XRCC4: variants seen among roughly 807,000 people sequenced by gnomAD.
XRCC4 encodes DNA repair protein XRCC4.
XRCC4 carries 28 observed loss-of-function variants against 39.1 expected under a neutral mutation model. The ratio of observed to expected loss-of-function variants is 0.72; its 90% CI spans 0.53 to 0.98. The LOEUF (loss-of-function observed/expected upper bound fraction) is 0.98. Among genes scored for constraint, XRCC4 ranks in the 50% least tolerant of loss-of-function variants. The pLI, the probability that XRCC4 is intolerant of heterozygous loss-of-function variation, is 0.00. For synonymous variants in XRCC4, 123 were observed against 126.4 expected (o/e 0.97, Z 0.18); for missense variants, 350 against 376.4 (o/e 0.93, Z 0.58).
At chr5:83,103,426 A>G (rs1201949333) in intron 1 of XRCC4, among the ~76,000 whole-genome samples, 1 of 151,348 alleles carries the variant, frequency 6.6e-6, no homozygotes, top group Non-Finnish European at 1.5e-5. Flanking sequence ...AACCATGGAA[A>G]ATGTTTGCAA....
intron 7 of XRCC4, among the ~76,000 whole-genome samples, chr5:83,345,920 A>G (rs1385956216): frequency 1.3e-5 from 2 of 152,096 alleles, no homozygotes; most frequent in Non-Finnish European, 2.9e-5. Flanking sequence ...TAATTAGATG[A>G]TGTAGTGCAA....
intron 3 of XRCC4, among the ~76,000 whole-genome samples, chr5:83,162,366 A>C (rs1749257025): frequency 6.6e-6 from 1 of 152,174 alleles, no homozygotes; most frequent in African/African-American, 2.4e-5. Context: ...ATTAAACTTC[A>C]GTGAGTTATT....
chr5:83,343,739 C>T (rs1459924038), intron 7 of XRCC4, among the ~76,000 whole-genome samples: 5 of 150,958 alleles, frequency 3.3e-5, no homozygotes. Flanking sequence ...TAAACCTTTT[C>T]TCTCTGATGG....
At chr5:83,093,975 G>A (rs565373195) in intron 1 of XRCC4, among the ~76,000 whole-genome samples, 37 of 152,006 alleles carry the variant, frequency 2.4e-4, no homozygotes, top group African/African-American at 8.4e-4. Context: ...GAAGTTTATT[G>A]TTATTTTTAT....
chr5:83,271,777 G>A (rs1393319832), intron 7 of XRCC4, among the ~76,000 whole-genome samples: 2 of 152,156 alleles, frequency 1.3e-5, no homozygotes, highest in Non-Finnish European at 2.9e-5. Flanking sequence ...ATAGTGCTGG[G>A]CATTCTAGTC....
intron 7 of XRCC4, among the ~76,000 whole-genome samples, chr5:83,326,942 C>T (rs1756282494): frequency 6.6e-6 from 1 of 152,020 alleles, no homozygotes; most frequent in South Asian, 2.1e-4. Flanking sequence ...TGCTTTTTTA[C>T]ACCTAATGGC....
At chr5:83,278,699 T>A (rs1242746062) in intron 7 of XRCC4, among the ~76,000 whole-genome samples, 2 of 151,970 alleles carry the variant, frequency 1.3e-5, no homozygotes, top group Non-Finnish European at 2.9e-5. Flanking sequence ...AAATAATCAG[T>A]TTGAGGCCAG....
At chr5:83,114,970 G>C (rs113312952) in intron 3 of XRCC4, among the ~76,000 whole-genome samples, 3 of 152,150 alleles carry the variant, frequency 2.0e-5, no homozygotes, top group Non-Finnish European at 4.4e-5. Flanking sequence ...ACAAAGTTAC[G>C]TCTTACATGG....
chr5:83,181,643 A>T (rs1430596977), intron 3 of XRCC4, among the ~76,000 whole-genome samples: 1 of 152,226 alleles, frequency 6.6e-6, no homozygotes, highest in African/African-American at 2.4e-5. Flanking sequence ...CAAAGATTTA[A>T]TATAGGGAAT....
chr5:83,213,563 T>C (rs1308156622), intron 6 of XRCC4, among the ~76,000 whole-genome samples: 1 of 152,150 alleles, frequency 6.6e-6, no homozygotes, highest in Non-Finnish European at 1.5e-5. Context: ...ATGTATTGAA[T>C]TAGTAATTTA....
At chr5:83,126,526 A>G (rs1237924270) in intron 3 of XRCC4, among the ~76,000 whole-genome samples, 5 of 152,202 alleles carry the variant, frequency 3.3e-5, no homozygotes, top group Non-Finnish European at 7.3e-5. Context: ...TTCAAGGCCC[A>G]GGCAGAGACT....
intron 6 of XRCC4, among the ~76,000 whole-genome samples, chr5:83,216,771 A>G (rs1751875046): frequency 6.6e-6 from 1 of 152,176 alleles, no homozygotes; most frequent in Non-Finnish European, 1.5e-5. Context: ...GGGAATATAT[A>G]TAGGTACTGA....
At chr5:83,214,560 C>T (rs946470656) in intron 6 of XRCC4, among the ~76,000 whole-genome samples, 13 of 152,082 alleles carry the variant, frequency 8.5e-5, no homozygotes, top group African/African-American at 2.7e-4. Flanking sequence ...TGGCCAGGCA[C>T]GGTGGCTCAC....
intron 6 of XRCC4, among the ~76,000 whole-genome samples, chr5:83,222,805 T>G (rs1474941933): frequency 1.3e-5 from 2 of 152,070 alleles, no homozygotes; most frequent in Non-Finnish European, 2.9e-5. Flanking sequence ...TTGAGTGGAG[T>G]GGTGCGATCA....
chr5:83,364,076 C>A, the XRCC4 span, among the ~76,000 whole-genome samples: 4 of 152,144 alleles, frequency 2.6e-5, no homozygotes, highest in African/African-American at 9.7e-5. Flanking sequence ...TTAAATAACA[C>A]AAAGCATTGT....
intron 7 of XRCC4, among the ~76,000 whole-genome samples, chr5:83,343,793 A>C (rs1756833464): frequency 6.6e-6 from 1 of 152,172 alleles, no homozygotes; most frequent in African/African-American, 2.4e-5. Context: ...GTTGCCTTAT[A>C]GCAATGACTG....
At chr5:83,247,614 A>G (rs944539910) in intron 6 of XRCC4, among the ~76,000 whole-genome samples, 10 of 152,232 alleles carry the variant, frequency 6.6e-5, no homozygotes, top group African/African-American at 2.4e-4. Context: ...AGATGATGCC[A>G]TCGTACTAGC....
At chr5:83,340,708 C>T (rs1319594446) in intron 7 of XRCC4, among the ~76,000 whole-genome samples, 1 of 152,106 alleles carries the variant, frequency 6.6e-6, no homozygotes, top group Non-Finnish European at 1.5e-5. Flanking sequence ...CTTTTGATCA[C>T]TGAGATCTGT....
chr5:83,181,084 C>T (rs541575751), intron 3 of XRCC4, among the ~76,000 whole-genome samples: 78 of 146,182 alleles, frequency 5.3e-4, no homozygotes, highest in African/African-American at 1.0e-3. Flanking sequence ...CTATTTATCG[C>T]GAAGGTTCTA....
Sources: gnomAD v4.1 joint callset for allele counts (sites outside exome capture counted in the v4.1 genomes callset) on GRCh38, gnomAD v4.1.1 for gene constraint, MANE v1.5 for transcripts, NCBI Gene and HGNC (gene_info 2026-07-23, HGNC 2026-07-21) for gene names.